Variants in TNNT3 observed in about 807,000 individuals in gnomAD.
The protein encoded by TNNT3 is troponin T3, fast skeletal type.
TNNT3 carries 36 observed loss-of-function variants against 54.2 expected under a neutral mutation model. The ratio of observed to expected loss-of-function variants is 0.66; its 90% CI spans 0.51 to 0.88. TNNT3 has a LOEUF of 0.88. Ranked by LOEUF, TNNT3 falls within the 40% of genes least tolerant of loss-of-function variation. TNNT3 has a pLI of 0.00. For missense variants in TNNT3, 291 were observed against 331.6 expected, an observed-to-expected ratio of 0.88 and a Z score of 0.95; for synonymous variants, 120 against 109.7, an observed-to-expected ratio of 1.09 and a Z score of -0.59.
At chr11:1,923,403 C>A (rs1278052753) in intron 3 of TNNT3, 152 bp from the exon 4 acceptor site, 1 of 886,498 alleles carries the variant, frequency 1.1e-6, no homozygotes, top group African/African-American at 1.6e-5. Flanking sequence ...CCAGCGCCTC[C>A]TCAGGGCCCG....
At chr11:1,931,255 G>A (rs1263141899) in intron 8 of TNNT3, among the ~76,000 whole-genome samples, 5 of 152,172 alleles carry the variant, frequency 3.3e-5, no homozygotes, top group African/African-American at 7.2e-5. Flanking sequence ...GTTGGAAAGC[G>A]TTTTCCATCT....
intron 14 of TNNT3, among the ~76,000 whole-genome samples, chr11:1,935,784 G>C (rs1854838282): frequency 6.6e-6 from 1 of 152,082 alleles, no homozygotes; most frequent in Admixed American, 6.5e-5. Flanking sequence ...CTCTACCCAG[G>C]TGCAGCAGGT....
chr11:1,929,643 C>G (rs1311976994), intron 7 of TNNT3, among the ~76,000 whole-genome samples, 167 bp from the exon 8 acceptor site: 2 of 152,226 alleles, frequency 1.3e-5, no homozygotes, highest in Non-Finnish European at 2.9e-5. Context: ...AGAGCAGAAA[C>G]AGGACCCTCT....
At chr11:1,925,957 T>C (rs1241311591) in intron 5 of TNNT3, among the ~76,000 whole-genome samples, 1 of 152,058 alleles carries the variant, frequency 6.6e-6, no homozygotes, top group East Asian at 1.9e-4. Context: ...GCCCCCAGCG[T>C]TGGGATGGCA....
At chr11:1,928,915 G>C in intron 6 of TNNT3, 3 of 627,048 alleles carry the variant, frequency 4.8e-6, no homozygotes, top group Non-Finnish European at 8.7e-6. Context: ...TGGGCACCCA[G>C]CCCCTTCCAC....
At chr11:1,921,583 A>T (rs1179402917) in intron 1 of TNNT3, 1 of 152,200 alleles carries the variant, frequency 6.6e-6, no homozygotes, top group Non-Finnish European at 1.5e-5. Flanking sequence ...GATAGGAAAA[A>T]GCTACCCCCG....
chr11:1,922,823 C>A (rs1850407044), intron 1 of TNNT3, 34 bp from the exon 2 acceptor site: 1 of 1,472,776 alleles, frequency 6.8e-7, no homozygotes, highest in East Asian at 2.3e-5. Flanking sequence ...TTTCCATCCT[C>A]TCTCTCTCTC....
At chr11:1,922,820 CCTCTCTCTCT>C (rs140086507) in intron 1 of TNNT3, 27 bp from the exon 2 acceptor site, 21 of 1,465,324 alleles carry the variant, frequency 1.4e-5, no homozygotes, top group Non-Finnish European at 2.0e-5. Flanking sequence ...CTCTTTCCAT[CCTCTCTCTCT>C]CTCTCTCTCT....
intron 3 of TNNT3, 89 bp downstream of exon 3, chr11:1,923,150 T>A: frequency 6.4e-7 from 1 of 1,556,530 alleles, no homozygotes; most frequent in Non-Finnish European, 8.9e-7. Context: ...ATACCCTGTG[T>A]CCCCTTGACA....
intron 14 of TNNT3, chr11:1,936,249 C>T: frequency 1.2e-6 from 2 of 1,613,870 alleles, no homozygotes; most frequent in Non-Finnish European, 1.7e-6. Context: ...AGATGCTGGC[C>T]AAGTTGTAAG....
intron 14 of TNNT3, 64 bp downstream of exon 14, chr11:1,934,983 C>T (rs1327894865): frequency 7.0e-7 from 1 of 1,437,156 alleles, no homozygotes; most frequent in South Asian, 1.1e-5. Flanking sequence ...GAGCAGCCAT[C>T]TCCCTGCGTC....
chr11:1,920,292 C>A (rs1849798653), intron 1 of TNNT3, among the ~76,000 whole-genome samples: 1 of 152,164 alleles, frequency 6.6e-6, no homozygotes, highest in Admixed American at 6.5e-5. Flanking sequence ...GTATGGCCAG[C>A]CCGAGTGTGT....
intron 7 of TNNT3, 112 bp downstream of exon 7, chr11:1,929,255 CTT>C (rs1488030261): frequency 9.0e-6 from 12 of 1,340,426 alleles, no homozygotes; most frequent in Non-Finnish European, 1.3e-5. Flanking sequence ...CCTCTGTCCT[CTT>C]TCTCTTCCCC....
chr11:1,920,816 A>G (rs1849931537), intron 1 of TNNT3, among the ~76,000 whole-genome samples: 1 of 150,936 alleles, frequency 6.6e-6, no homozygotes, highest in East Asian at 1.9e-4. Context: ...TGCCCCCAGC[A>G]CACCCCTGCC....
In TNNT3 at chr11:1,922,860, C is replaced by T. The variant is rs753318033; in HGVS notation, c.-15C>T. 8 of 1,612,926 alleles carry T rather than the reference C, an allele frequency of 5.0e-6. No homozygotes were observed. In the African/African-American group the frequency reaches 9.4e-5, roughly 19 times the overall value. On this transcript the variant is annotated 5_prime_UTR_variant, in exon 2 of 16. Coordinates refer to ENST00000278317, the MANE Select transcript of TNNT3 (RefSeq NM_006757.4). Reference sequence around the variant, plus strand: ...CTCTCTGAATCTCTCTCTGCAGAAACCACCCACCTTCACCATGTCTGACGA... The same window carrying T: ...CTCTCTGAATCTCTCTCTGCAGAAATCACCCACCTTCACCATGTCTGACGA...
At chr11:1,935,194 G>A in intron 14 of TNNT3, 1 of 544,178 alleles carries the variant, frequency 1.8e-6, no homozygotes, top group Non-Finnish European at 3.3e-6. Flanking sequence ...CAAAAGGACT[G>A]TCGTGGCAGA....
intron 5 of TNNT3, among the ~76,000 whole-genome samples, chr11:1,925,584 G>T (rs901252069): frequency 2.0e-5 from 3 of 152,026 alleles, no homozygotes; most frequent in African/African-American, 7.2e-5. Context: ...GAGGGGACAC[G>T]TAGGCCCACC....
Position 1,934,002 on chromosome 11 carries a change from A to C in TNNT3, c.360A>C (p.Arg120Ser). ...RAEKERERQN[R>S]LAEEKARREE... is the part of the protein sequence containing the mutation. ...AGAAGGAGAGGGAGCGCCAGAACAG[A>C]CTGGCGGTGAGGGCACCATCCGCAC... Residue 120 changes from arginine to serine, a missense_variant, in exon 11 of 16, where the codon AGA becomes AGC. Transcript: ENST00000278317. 1 of 1,611,846 alleles carries C rather than the reference A, an allele frequency of 6.2e-7. No individual in the cohort carries two copies. Among genetic ancestry groups the C allele is most frequent in the Non-Finnish European group, 8.5e-7 (1 of 1,179,614 alleles).
chr11:1,924,023 T>C (rs1246227927), intron 4 of TNNT3, among the ~76,000 whole-genome samples: 1 of 151,508 alleles, frequency 6.6e-6, no homozygotes, highest in Admixed American at 6.6e-5. Flanking sequence ...TTCCTTTCCG[T>C]GTCTCTCTTG....
Sources: gnomAD v4.1 joint callset for allele counts (sites outside exome capture counted in the v4.1 genomes callset) on GRCh38, gnomAD v4.1.1 for gene constraint, MANE v1.5 for transcripts, NCBI Gene and HGNC (gene_info 2026-07-23, HGNC 2026-07-21) for gene names.